The following BARX2 variants were observed in gnomAD, a reference collection of about 807,000 sequenced individuals.
The protein encoded by BARX2 is BARX homeobox 2.
In BARX2, 11 loss-of-function variants were observed where a neutral mutation model predicts 25.5. That is an observed-to-expected ratio of 0.43 (90% CI 0.27 to 0.71). BARX2 has a LOEUF of 0.71. Among genes scored for constraint, BARX2 ranks in the 30% least tolerant of loss-of-function variants. The pLI is 0.19. For synonymous variants in BARX2, 137 were observed against 149.5 expected (o/e 0.92, Z 0.61); for missense variants, 360 against 359.9 (o/e 1.00, Z 0.00).
intron 1 of BARX2, among the ~76,000 whole-genome samples, chr11:129,388,224 G>C (rs1187337657): frequency 2.0e-5 from 3 of 152,132 alleles, no homozygotes; most frequent in Non-Finnish European, 2.9e-5. Flanking sequence ...AATTTAATGT[G>C]TGCCAGTTCG....
At chr11:129,383,706 G>A (rs1861591117) in intron 1 of BARX2, among the ~76,000 whole-genome samples, 1 of 152,180 alleles carries the variant, frequency 6.6e-6, no homozygotes, top group Non-Finnish European at 1.5e-5. Flanking sequence ...GACGACTGAA[G>A]AGAAGCCAAG....
chr11:129,417,051 G>A (rs1049724058), intron 1 of BARX2, among the ~76,000 whole-genome samples: 4 of 151,726 alleles, frequency 2.6e-5, no homozygotes, highest in Non-Finnish European at 5.9e-5. Flanking sequence ...GCAGGCTCCC[G>A]CCACCACGCC....
At chr11:129,384,277 T>C (rs1861598339) in intron 1 of BARX2, among the ~76,000 whole-genome samples, 1 of 152,136 alleles carries the variant, frequency 6.6e-6, no homozygotes, top group Non-Finnish European at 1.5e-5. Flanking sequence ...GTAAGTGATA[T>C]GATGCTTATC....
chr11:129,410,397 T>C (rs1861874103), intron 1 of BARX2, among the ~76,000 whole-genome samples: 1 of 152,208 alleles, frequency 6.6e-6, no homozygotes, highest in African/African-American at 2.4e-5. Context: ...CTTTATAAGT[T>C]TTTCTTCTAC....
At chr11:129,431,823 G>C (rs536861783) in intron 1 of BARX2, among the ~76,000 whole-genome samples, 43 of 151,880 alleles carry the variant, frequency 2.8e-4, no homozygotes, top group African/African-American at 7.7e-4. Context: ...CATGCTTTTG[G>C]TGTCATGGCT....
At chr11:129,444,831 G>A (rs2954154) in intron 3 of BARX2, among the ~76,000 whole-genome samples, 45,487 of 151,560 alleles carry the variant, frequency 0.3, 6,997 homozygotes, top group African/African-American at 0.33. Flanking sequence ...GTGAAGTCCC[G>A]CCTCTACTAA....
rs1332313199 is a variant in BARX2, at chr11:129,436,332, T to A, written c.188-419T>A. On this transcript the variant is annotated intron_variant, in intron 1 of 3. Coordinates refer to ENST00000281437, the MANE Select transcript of BARX2 (RefSeq NM_003658.5). This position sits in a 1 kb window ranked among gnomAD's most constrained non-coding sequence, Gnocchi z 4.5. Reference sequence around the variant, plus strand: ...AGAATTCATAGCTACAAGCATGTCTTTTTATAAAGACCACAGGTGGTTCTC... The same window carrying A: ...AGAATTCATAGCTACAAGCATGTCTATTTATAAAGACCACAGGTGGTTCTC... 1 of 172,580 alleles carries A rather than the reference T, an allele frequency of 5.8e-6. No homozygotes were observed. The highest frequency in any genetic ancestry group is 1.2e-5 in the Non-Finnish European group (1 of 82,192). 10.7% of individuals were successfully genotyped at this position (172,580 alleles called of 1,614,324 possible). A position where few individuals can be genotyped will look rare whatever the true frequency, so the allele number is the denominator to read the frequency against.
chr11:129,409,041 T>C (rs1055192343), intron 1 of BARX2, among the ~76,000 whole-genome samples: 5 of 151,012 alleles, frequency 3.3e-5, no homozygotes, highest in African/African-American at 1.2e-4. Context: ...TTAGACCTTG[T>C]GGGCCAGGAG....
At chr11:129,389,075 A>G (rs184772485) in intron 1 of BARX2, among the ~76,000 whole-genome samples, 69 of 152,096 alleles carry the variant, frequency 4.5e-4, no homozygotes, top group Middle Eastern at 3.4e-3. Flanking sequence ...AACTTCTATG[A>G]CACGTAATTT....
chr11:129,440,269 G>A (rs186458141), intron 2 of BARX2, among the ~76,000 whole-genome samples: 7 of 152,384 alleles, frequency 4.6e-5, no homozygotes, highest in Non-Finnish European at 8.8e-5. Context: ...GCCAGAGTGA[G>A]TCAGGGCTGC....
chr11:129,443,070 C>A (rs1388889421), intron 3 of BARX2, 151 bp downstream of exon 3: 12 of 656,836 alleles, frequency 1.8e-5, no homozygotes, highest in Non-Finnish European at 2.7e-5. Context: ...GCTGTTGGAT[C>A]TGTAGGTTGA....
rs905140285 is a variant in BARX2 at position 129,376,460 on chromosome 11, G to C, written c.187+238G>C. Among the ~76,000 whole-genome samples, 4 of 152,230 alleles carry C rather than the reference G, an allele frequency of 2.6e-5. No homozygotes were observed. The highest frequency in any genetic ancestry group is 6.5e-5 in the Admixed American group (1 of 15,284). Reference sequence around the variant, plus strand: ...AGGGCCTTAGGAGTGGGCTGCTCGCGCAACGCCTGATTGTCCTGCTCGGAG... The same window carrying C: ...AGGGCCTTAGGAGTGGGCTGCTCGCCCAACGCCTGATTGTCCTGCTCGGAG... On this transcript the variant is annotated intron_variant, in intron 1 of 3. Transcript: ENST00000281437. The surrounding 1 kb of genome is among the most constrained non-coding windows in gnomAD (Gnocchi z 4.2).
chr11:129,432,443 A>G lies in BARX2; in HGVS notation c.188-4308A>G, dbSNP rs536588900. On this transcript the variant is annotated intron_variant, in intron 1 of 3. Coordinates refer to ENST00000281437, the MANE Select transcript of BARX2 (RefSeq NM_003658.5). ...ATGAATGTGATTCAAGAACCCAAACATCTTTTGACATAAAGGGAGAAAATT... is the reference window on the plus strand; with the variant it reads ...ATGAATGTGATTCAAGAACCCAAACGTCTTTTGACATAAAGGGAGAAAATT... 2.0e-5 allele frequency among the ~76,000 whole-genome samples: 3 copies of G among 152,352 alleles called. No individual in the cohort carries two copies. The South Asian group carries it at 6.2e-4, about 32-fold the overall frequency.
At chr11:129,427,579 A>T (rs1862078666) in intron 1 of BARX2, among the ~76,000 whole-genome samples, 1 of 152,132 alleles carries the variant, frequency 6.6e-6, no homozygotes, top group Non-Finnish European at 1.5e-5. Flanking sequence ...AGAAATTCTT[A>T]TCCATTCAGA....
At chr11:129,443,276 A>C (rs1862285454) in intron 3 of BARX2, among the ~76,000 whole-genome samples, 1 of 152,118 alleles carries the variant, frequency 6.6e-6, no homozygotes, top group Non-Finnish European at 1.5e-5. Flanking sequence ...TGCACCCATC[A>C]ACCCGTCATC....
chr11:129,408,825 C>T (rs1861858148), intron 1 of BARX2, among the ~76,000 whole-genome samples: 1 of 152,218 alleles, frequency 6.6e-6, no homozygotes, highest in Admixed American at 6.5e-5. Context: ...TCTCTCTAGA[C>T]TGCAAGCTCC....
chr11:129,382,062 T>TA (rs1861570638), intron 1 of BARX2, among the ~76,000 whole-genome samples: 1 of 152,262 alleles, frequency 6.6e-6, no homozygotes, highest in African/African-American at 2.4e-5. Flanking sequence ...GAGTAAATGT[T>TA]AAACCAGAAG....
At chr11:129,386,731 TG>T (rs1225449659) in intron 1 of BARX2, among the ~76,000 whole-genome samples, 1 of 152,230 alleles carries the variant, frequency 6.6e-6, no homozygotes, top group Non-Finnish European at 1.5e-5. Context: ...AATTTAGAAA[TG>T]TTGCTATTAG....
intron 1 of BARX2, among the ~76,000 whole-genome samples, chr11:129,399,395 C>T (rs1861753719): frequency 6.6e-6 from 1 of 152,214 alleles, no homozygotes; most frequent in African/African-American, 2.4e-5. Flanking sequence ...CTGTCTCTCT[C>T]TCTCTCTTTT....
Sources: gnomAD v4.1 joint callset for allele counts (sites outside exome capture counted in the v4.1 genomes callset) on GRCh38, gnomAD v4.1.1 for gene constraint, Gnocchi (gnomAD v3.1) non-coding constraint, MANE v1.5 for transcripts, NCBI Gene and HGNC (gene_info 2026-07-23, HGNC 2026-07-21) for gene names.